The following PRKN variants were observed in gnomAD, a reference collection of about 807,000 sequenced individuals.
PRKN encodes E3 ubiquitin-protein ligase parkin.
Under a neutral mutation model 59.5 loss-of-function variants are expected in PRKN, and 56 were observed. That is an observed-to-expected ratio of 0.94 (90% confidence interval 0.76 to 1.18). PRKN has a LOEUF of 1.18. Ranked by LOEUF, PRKN falls within the 50% of genes most tolerant of loss-of-function variation. The pLI, the probability that PRKN is intolerant of heterozygous loss-of-function variation, is 0.00. For missense variants in PRKN, 657 were observed against 596.4 expected (o/e 1.10, Z -1.06); for synonymous variants, 250 against 222.1 (o/e 1.13, Z -1.12).
chr6:161,695,941 G>A (rs1786003047), intron 7 of PRKN, among the ~76,000 whole-genome samples: 2 of 152,218 alleles, frequency 1.3e-5, no homozygotes, highest in South Asian at 4.1e-4. Context: ...AGTGGACTGG[G>A]TGGCGGACAG....
chr6:161,467,759 C>A lies in PRKN; in HGVS notation c.1084-80882G>T, dbSNP rs1790555632. 6.6e-6 allele frequency among the ~76,000 whole-genome samples: 1 copy of A among 152,134 alleles called. No individual in the cohort carries two copies. Among genetic ancestry groups the A allele is most frequent in the South Asian group, 2.1e-4 (1 of 4,824 alleles). On this transcript the variant is annotated intron_variant, in intron 9 of 11. Coordinates refer to ENST00000366898, the MANE Select transcript of PRKN (RefSeq NM_004562.3). The surrounding 1 kb of genome is among the most constrained non-coding windows in gnomAD (Gnocchi z 4.3). ...ATGTGCCCAGCAAAATTCTACTTTT[C>A]CAGCCTTGCTTGCATTAGGGCTGAT... is the stretch of plus-strand genomic sequence containing the variant.
intron 2 of PRKN, among the ~76,000 whole-genome samples, chr6:162,359,079 A>AAAAAAAAAATATATATATATAT (rs57265104): frequency 2.0e-4 from 17 of 83,228 alleles, no homozygotes; most frequent in African/African-American, 1.2e-3. Flanking sequence ...AAAAAAAAAA[A>AAAAAAAAAATATATATATATAT]ATATATATAT....
chr6:161,727,264 A>G (rs1787480625), intron 7 of PRKN, among the ~76,000 whole-genome samples: 1 of 152,106 alleles, frequency 6.6e-6, no homozygotes, highest in African/African-American at 2.4e-5. Context: ...TGCAGGGCAA[A>G]TGCATTAGTT....
intron 6 of PRKN, among the ~76,000 whole-genome samples, chr6:161,831,197 G>A (rs142127881): frequency 1.5e-3 from 224 of 152,268 alleles, no homozygotes; most frequent in Non-Finnish European, 2.6e-3. Flanking sequence ...GAAACATACA[G>A]GTGGTCTGCA....
intron 1 of PRKN, among the ~76,000 whole-genome samples, chr6:162,509,349 A>G (rs1295952331): frequency 6.6e-6 from 1 of 152,200 alleles, no homozygotes; most frequent in African/African-American, 2.4e-5. Flanking sequence ...TTTTACTATA[A>G]GAACATTTCT....
intron 1 of PRKN, among the ~76,000 whole-genome samples, chr6:162,599,851 C>A (rs949064745): frequency 6.6e-6 from 1 of 152,126 alleles, no homozygotes; most frequent in Non-Finnish European, 1.5e-5. Flanking sequence ...ATTTACAAAG[C>A]ATATACTTCA....
intron 1 of PRKN, among the ~76,000 whole-genome samples, chr6:162,566,517 T>C (rs926887670): frequency 3.9e-5 from 6 of 152,066 alleles, no homozygotes; most frequent in Non-Finnish European, 7.4e-5. Context: ...TATGTCAATA[T>C]ATTGGAAAGT....
At chr6:161,888,836 C>T (rs760614240) in intron 6 of PRKN, among the ~76,000 whole-genome samples, 4 of 152,140 alleles carry the variant, frequency 2.6e-5, no homozygotes, top group Non-Finnish European at 5.9e-5. Flanking sequence ...TAGCTCCCTC[C>T]TTGCCCAGCT....
At chr6:161,713,139 A>C (rs1383329377) in intron 7 of PRKN, among the ~76,000 whole-genome samples, 2 of 152,224 alleles carry the variant, frequency 1.3e-5, no homozygotes, top group African/African-American at 4.8e-5. Flanking sequence ...AGAACTCATG[A>C]AAACACTTAT....
chr6:162,116,863 C>T (rs1032367759), intron 4 of PRKN, among the ~76,000 whole-genome samples: 3 of 152,172 alleles, frequency 2.0e-5, no homozygotes, highest in African/African-American at 7.2e-5. Flanking sequence ...GAATACTTTG[C>T]ACCAGACTGC....
intron 6 of PRKN, among the ~76,000 whole-genome samples, chr6:161,968,867 T>C (rs905270838): frequency 1.3e-5 from 2 of 152,218 alleles, no homozygotes; most frequent in Non-Finnish European, 1.5e-5. Context: ...ATATTATGAA[T>C]AGTGAATGAG....
At chr6:162,701,828 TACATAC>T (rs1255260407) in intron 1 of PRKN, among the ~76,000 whole-genome samples, 5 of 65,270 alleles carry the variant, frequency 7.7e-5, no homozygotes, top group African/African-American at 2.6e-4. Flanking sequence ...CACATTCACA[TACATAC>T]ACACACACAC....
At chr6:162,691,023 T>C (rs1038540574) in intron 1 of PRKN, among the ~76,000 whole-genome samples, 2 of 152,164 alleles carry the variant, frequency 1.3e-5, no homozygotes, top group Non-Finnish European at 1.5e-5. Context: ...ACTAGTAATG[T>C]TGCAATTTTT....
At chr6:161,843,740 A>C (rs934828789) in intron 6 of PRKN, among the ~76,000 whole-genome samples, 14 of 152,198 alleles carry the variant, frequency 9.2e-5, no homozygotes, top group Non-Finnish European at 1.9e-4. Context: ...GAGTGAGCTG[A>C]AATTGTGTCA....
At chr6:162,551,057 T>A (rs1779313873) in intron 1 of PRKN, among the ~76,000 whole-genome samples, 2 of 152,130 alleles carry the variant, frequency 1.3e-5, no homozygotes, top group South Asian at 4.1e-4. Flanking sequence ...TCTTATCATC[T>A]CTCTTAGTGA....
intron 1 of PRKN, among the ~76,000 whole-genome samples, chr6:162,597,699 A>G (rs1406530552): frequency 2.0e-5 from 3 of 152,146 alleles, no homozygotes; most frequent in Non-Finnish European, 1.5e-5. Flanking sequence ...ATCATATACA[A>G]TTTTACTCTG....
chr6:161,845,962 A>G (rs1388499703), intron 6 of PRKN, among the ~76,000 whole-genome samples: 2 of 152,172 alleles, frequency 1.3e-5, no homozygotes, highest in African/African-American at 2.4e-5. Flanking sequence ...ATTAATATCA[A>G]TTGGAGGGAA....
At position 161,629,571 on chromosome 6, in the gene PRKN, C is replaced by A. The variant is rs1214337142; in HGVS notation, c.872-60155G>T. On this transcript the variant is annotated intron_variant, in intron 7 of 11. Transcript: ENST00000366898. ...TTATCCAGTGGTCACAAAAGGCACC[C>A]TATACATGACTCTGCCAACCTCCCA... is the stretch of plus-strand genomic sequence containing the variant. 4.6e-5 allele frequency among the ~76,000 whole-genome samples: 7 copies of A among 152,100 alleles called. No homozygotes were observed. The East Asian group carries it at 1.2e-3, about 25-fold the overall frequency.
In PRKN at chr6:161,471,709, G is replaced by A. The variant is rs1562470938; in HGVS notation, c.1083+77145C>T. Among the ~76,000 whole-genome samples the A allele has an allele frequency of 6.6e-6, 1 of 152,140 alleles. No homozygotes were observed. ...AACAAGATTACAGAACCGACTTTTA[G>A]AGAAGAGTTTAAATCCCAGTACTAG... On this transcript the variant is annotated intron_variant, in intron 9 of 11. Coordinates refer to ENST00000366898, the MANE Select transcript of PRKN (RefSeq NM_004562.3). This position sits in a 1 kb window ranked among gnomAD's most constrained non-coding sequence, Gnocchi z 4.5.
Sources: gnomAD v4.1 joint callset for allele counts (sites outside exome capture counted in the v4.1 genomes callset) on GRCh38, gnomAD v4.1.1 for gene constraint, Gnocchi (gnomAD v3.1) non-coding constraint, MANE v1.5 for transcripts, NCBI Gene and HGNC (gene_info 2026-07-23, HGNC 2026-07-21) for gene names.